The following GALNT11 variants were observed in gnomAD, a reference collection of about 807,000 sequenced individuals.
GALNT11 encodes polypeptide N-acetylgalactosaminyltransferase 11, also known as UDP-GalNAc:polypeptide N-acetylgalactosaminyltransferase 11.
Under a neutral mutation model 72.7 loss-of-function variants are expected in GALNT11, and 47 were observed. The observed-to-expected ratio is 0.65, with a 90% CI of 0.51 to 0.82. GALNT11 has a LOEUF of 0.82. GALNT11 is among the 40% of genes least tolerant of loss of function. GALNT11 has a pLI of 0.00. For missense variants in GALNT11, 677 were observed against 778.4 expected, an observed-to-expected ratio of 0.87 and a Z score of 1.55; for synonymous variants, 270 against 286.6, an observed-to-expected ratio of 0.94 and a Z score of 0.58.
In GALNT11 at chr7:152,118,788, T is replaced by C; in HGVS notation, c.1557+6T>C. ...ACTACAGTGACCCAAATCAGGTGAG[T>C]GACACCTCGGGGCTCACAGCCAGTG... is the stretch of plus-strand genomic sequence containing the variant. On this transcript the variant is annotated splice_donor_region_variant and intron_variant, in intron 10 of 11. Transcript: ENST00000430044. 2 of 1,597,610 alleles carry C rather than the reference T, an allele frequency of 1.3e-6. No homozygotes were observed. The highest frequency in any genetic ancestry group is 8.5e-7 in the Non-Finnish European group (1 of 1,174,752).
intron 7 of GALNT11, among the ~76,000 whole-genome samples, chr7:152,110,874 G>A (rs2088109496): frequency 6.6e-6 from 1 of 151,658 alleles, no homozygotes; most frequent in Admixed American, 6.6e-5. Flanking sequence ...GGGACTACAG[G>A]CATGTGCCTG....
At chr7:152,111,560 C>T (rs1192110384) in intron 7 of GALNT11, among the ~76,000 whole-genome samples, 1 of 151,920 alleles carries the variant, frequency 6.6e-6, no homozygotes, top group Non-Finnish European at 1.5e-5. Flanking sequence ...ACAGGTAGTA[C>T]TTCATCCCTC....
At chr7:152,087,269 G>A (rs1297014513) in intron 1 of GALNT11, among the ~76,000 whole-genome samples, 1 of 152,184 alleles carries the variant, frequency 6.6e-6, no homozygotes, top group Non-Finnish European at 1.5e-5. Context: ...TTTAAATAGG[G>A]TAATCTTGGT....
chr7:152,032,503 G>A (rs554119583), intron 1 of GALNT11, among the ~76,000 whole-genome samples: 14 of 152,298 alleles, frequency 9.2e-5, no homozygotes, highest in Admixed American at 2.0e-4. Flanking sequence ...TCCACTGACC[G>A]TTCGGTTTTT....
chr7:152,088,998 AC>A (rs1403624381), intron 1 of GALNT11, among the ~76,000 whole-genome samples: 2 of 152,194 alleles, frequency 1.3e-5, no homozygotes, highest in African/African-American at 4.8e-5. Context: ...ACAAAATCAT[AC>A]CCTGAGACCA....
chr7:152,106,430 A>G (rs1429825571), intron 5 of GALNT11, among the ~76,000 whole-genome samples: 2 of 152,298 alleles, frequency 1.3e-5, no homozygotes, highest in South Asian at 2.1e-4. Context: ...TGAAGCCCAC[A>G]GTGACCTGAA....
At chr7:152,112,171 A>G (rs1389018866) in intron 7 of GALNT11, among the ~76,000 whole-genome samples, 1 of 152,220 alleles carries the variant, frequency 6.6e-6, no homozygotes, top group African/African-American at 2.4e-5. Flanking sequence ...CAGAATCCCT[A>G]TCAGATAATA....
At position 152,094,533 on chromosome 7, in the gene GALNT11, G is replaced by C. The variant is rs766795667; in HGVS notation, c.295+11G>C. 4.5e-5 allele frequency: 71 copies of C among 1,583,064 alleles called. No homozygotes were observed. The highest frequency in any genetic ancestry group is 5.8e-5 in the Non-Finnish European group (68 of 1,163,206). On this transcript the variant is annotated intron_variant, in intron 2 of 11. Coordinates refer to ENST00000430044, the MANE Select transcript of GALNT11 (RefSeq NM_022087.4). This position sits in a 1 kb window ranked among gnomAD's most constrained non-coding sequence, Gnocchi z 4.3. ...TCTCTTCTGAATTAGGTAAGTATAT[G>C]ATGTTTACCAGCATCCATATCAATG...
At chr7:152,072,405 T>C (rs1354239231) in intron 1 of GALNT11, among the ~76,000 whole-genome samples, 5 of 152,324 alleles carry the variant, frequency 3.3e-5, no homozygotes, top group African/African-American at 1.2e-4. Context: ...ATAAATGTTA[T>C]TGATATCTTT....
chr7:152,113,218 G>A (rs751593761), intron 7 of GALNT11, 28 bp from the exon 8 acceptor site: 68 of 1,592,682 alleles, frequency 4.3e-5, no homozygotes, highest in Non-Finnish European at 5.2e-5. Context: ...TGAGGCAACT[G>A]TTAACACCTG....
Position 152,100,835 on chromosome 7 carries a change from C to T in GALNT11, c.333C>T (p.Asp111=). ...IFNERDQELR[D]LGYQKHAFNM... is the part of the protein sequence containing the mutation. ...ATGAACGCGATCAAGAGTTGAGAGA[C>T]TTGGGCTATCAGAAACATGCTTTTA... The change falls in exon 3 of 12, where the codon GAC becomes GAT. Residue 111 remains aspartate (D), a synonymous_variant. Transcript: ENST00000430044. 3 of 1,613,958 alleles carry T rather than the reference C, an allele frequency of 1.9e-6. No individual in the cohort carries two copies. The highest frequency in any genetic ancestry group is 2.5e-6 in the Non-Finnish European group (3 of 1,179,964).
intron 1 of GALNT11, among the ~76,000 whole-genome samples, chr7:152,059,264 T>C (rs1201537891): frequency 6.6e-6 from 1 of 151,944 alleles, no homozygotes; most frequent in East Asian, 1.9e-4. Flanking sequence ...CCCAACTTTT[T>C]TTTTTGTATT....
chr7:152,077,211 C>T (rs1407042862), intron 1 of GALNT11, among the ~76,000 whole-genome samples: 3 of 152,172 alleles, frequency 2.0e-5, no homozygotes, highest in Non-Finnish European at 4.4e-5. Context: ...CTTGTGCTTC[C>T]GATAATGGCC....
intron 1 of GALNT11, among the ~76,000 whole-genome samples, chr7:152,066,821 T>C (rs2084339022): frequency 6.6e-6 from 1 of 152,232 alleles, no homozygotes; most frequent in Non-Finnish European, 1.5e-5. Flanking sequence ...ACGTGGTTCC[T>C]TGTGTCCCAA....
At chr7:152,103,377 G>A (rs1433856522) in intron 4 of GALNT11, 99 bp downstream of exon 4, 1 of 1,257,156 alleles carries the variant, frequency 8.0e-7, no homozygotes, top group Non-Finnish European at 1.1e-6. Context: ...CGTGGTAGGT[G>A]GGGATCCTAC....
chr7:152,111,468 T>A (rs1020909323), intron 7 of GALNT11, among the ~76,000 whole-genome samples: 1 of 152,132 alleles, frequency 6.6e-6, no homozygotes, highest in Non-Finnish European at 1.5e-5. Flanking sequence ...TTTTATGGAT[T>A]TAGAGGTACA....
At chr7:152,032,668 G>C (rs143575385) in intron 1 of GALNT11, among the ~76,000 whole-genome samples, 72 of 152,284 alleles carry the variant, frequency 4.7e-4, no homozygotes, top group Middle Eastern at 3.4e-3. Context: ...CTTTTAACCT[G>C]ATTTGGACTG....
intron 1 of GALNT11, among the ~76,000 whole-genome samples, chr7:152,082,798 T>C (rs2085395953): frequency 1.3e-5 from 2 of 152,256 alleles, no homozygotes; most frequent in Non-Finnish European, 2.9e-5. Context: ...ACAGCCTCAC[T>C]CTCAGAATAT....
At chr7:152,069,880 G>A (rs1455217068) in intron 1 of GALNT11, among the ~76,000 whole-genome samples, 1 of 151,964 alleles carries the variant, frequency 6.6e-6, no homozygotes, top group African/African-American at 2.4e-5. Flanking sequence ...CTTTTGATTG[G>A]TGTATTTAGA....
Sources: gnomAD v4.1 joint callset for allele counts (sites outside exome capture counted in the v4.1 genomes callset) on GRCh38, gnomAD v4.1.1 for gene constraint, Gnocchi (gnomAD v3.1) non-coding constraint, MANE v1.5 for transcripts, NCBI Gene and HGNC (gene_info 2026-07-23, HGNC 2026-07-21) for gene names.